PMS1: variants seen among roughly 807,000 people sequenced by gnomAD.
PMS1 encodes PMS1 homolog 1, mismatch repair system component, also known as PMS1 protein homolog 1.
PMS1 carries 79 observed loss-of-function variants against 93.1 expected under a neutral mutation model. The observed-to-expected ratio is 0.85, with a 90% confidence interval of 0.71 to 1.02. The LOEUF is 1.02. Among genes scored for constraint, PMS1 ranks in the 50% least tolerant of loss-of-function variants. The pLI is 0.00. For missense variants in PMS1, 1,064 were observed against 1,085.3 expected, an observed-to-expected ratio of 0.98 and a Z score of 0.28; for synonymous variants, 335 against 363.4, an observed-to-expected ratio of 0.92 and a Z score of 0.89.
chr2:189,815,111 A>G (rs991735298), intron 4 of PMS1, among the ~76,000 whole-genome samples: 5 of 151,958 alleles, frequency 3.3e-5, no homozygotes, highest in Admixed American at 1.3e-4. Context: ...AAAAAAAAAA[A>G]AAAGATATGA....
intron 5 of PMS1, among the ~76,000 whole-genome samples, chr2:189,825,433 C>T (rs2052346746): frequency 6.6e-6 from 1 of 151,888 alleles, no homozygotes; most frequent in South Asian, 2.1e-4. Flanking sequence ...AGTTATTTTG[C>T]AGAATTAACA....
chr2:189,835,935 G>C (rs1424687803), intron 5 of PMS1, among the ~76,000 whole-genome samples: 1 of 147,624 alleles, frequency 6.8e-6, no homozygotes, highest in Non-Finnish European at 1.5e-5. Context: ...AAAATTCATT[G>C]GTGCTGCTTC....
chr2:189,840,355 A>G (rs1193129694), intron 5 of PMS1, among the ~76,000 whole-genome samples: 2 of 152,246 alleles, frequency 1.3e-5, no homozygotes, highest in East Asian at 1.9e-4. Flanking sequence ...AGTTTGAACA[A>G]CTGGCTGCCT....
intron 10 of PMS1, among the ~76,000 whole-genome samples, chr2:189,865,130 C>T (rs1358786072): frequency 1.3e-5 from 2 of 151,980 alleles, no homozygotes; most frequent in Admixed American, 6.6e-5. Context: ...CTTTTTCATA[C>T]CTTAAATAAT....
chr2:189,846,187 A>G (rs149013417), intron 6 of PMS1, among the ~76,000 whole-genome samples: 1,612 of 152,182 alleles, frequency 0.011, 30 homozygotes, highest in African/African-American at 0.037. Flanking sequence ...CAGCCTGGGC[A>G]ACATAGTAAG....
chr2:189,786,967 C>T (rs1167439990), intron 1 of PMS1, among the ~76,000 whole-genome samples: 3 of 152,040 alleles, frequency 2.0e-5, no homozygotes, highest in South Asian at 2.1e-4. Flanking sequence ...GCAGGAGAAT[C>T]GCTTGAACCC....
At chr2:189,824,298 C>A (rs1371169406) in intron 5 of PMS1, among the ~76,000 whole-genome samples, 2 of 151,788 alleles carry the variant, frequency 1.3e-5, no homozygotes, top group Non-Finnish European at 2.9e-5. Flanking sequence ...ATATATTGTA[C>A]CAGATTTGTC....
At chr2:189,861,850 T>C (rs1183934823) in intron 9 of PMS1, among the ~76,000 whole-genome samples, 1 of 152,114 alleles carries the variant, frequency 6.6e-6, no homozygotes, top group East Asian at 1.9e-4. Context: ...TTCCTCTTTA[T>C]TTTCAGGATT....
rs747316625 is a variant in PMS1 at position 189,854,023 on chromosome 2, A to G, written c.907A>G (p.Thr303Ala). ...PVFFLKIDVP[T>A]ADVDVNLTPD... Reference sequence around the variant, plus strand: ...TTTCTTTCTGAAAATCGATGTTCCTACAGCTGATGTTGATGTAAATTTAAC... The same window carrying G: ...TTTCTTTCTGAAAATCGATGTTCCTGCAGCTGATGTTGATGTAAATTTAAC... Residue 303 changes from threonine (T) to alanine (A), a missense_variant, in exon 8 of 13, where the codon ACA becomes GCA. Physicochemically the swap from Thr to Ala is moderately conservative, Grantham distance 58. Transcript: ENST00000441310. 3 of 1,606,746 alleles carry G rather than the reference A, an allele frequency of 1.9e-6. No individual in the cohort carries two copies. The highest frequency in any genetic ancestry group is 2.2e-5 in the South Asian group (2 of 89,460).
At chr2:189,825,185 G>C (rs962127252) in intron 5 of PMS1, among the ~76,000 whole-genome samples, 1 of 152,128 alleles carries the variant, frequency 6.6e-6, no homozygotes, top group Non-Finnish European at 1.5e-5. Context: ...GTTCTTGCCA[G>C]TATGGTTATG....
intron 6 of PMS1, among the ~76,000 whole-genome samples, chr2:189,852,165 G>GTT (rs545662614): frequency 4.1e-5 from 6 of 147,354 alleles, no homozygotes; most frequent in African/African-American, 5.0e-5. Context: ...GAGTAAAAGA[G>GTT]TTTTTTTTTT....
At chr2:189,876,174 T>C (rs16832146) in intron 12 of PMS1, among the ~76,000 whole-genome samples, 6,807 of 152,138 alleles carry the variant, frequency 0.045, 487 homozygotes, top group African/African-American at 0.15. Context: ...AGAGAAGTCA[T>C]GTTGATATAT....
At chr2:189,836,834 G>A (rs2053421739) in intron 5 of PMS1, among the ~76,000 whole-genome samples, 1 of 152,136 alleles carries the variant, frequency 6.6e-6, no homozygotes, top group African/African-American at 2.4e-5. Flanking sequence ...TAGTTCTCAT[G>A]TTTCACAGCT....
At chr2:189,796,483 G>A (rs895088464) in intron 3 of PMS1, among the ~76,000 whole-genome samples, 11 of 151,996 alleles carry the variant, frequency 7.2e-5, no homozygotes, top group African/African-American at 1.2e-4. Context: ...ATTCATCTCC[G>A]CAACCTTTTC....
intron 1 of PMS1, among the ~76,000 whole-genome samples, chr2:189,791,490 G>A (rs1308275521): frequency 1.3e-5 from 2 of 151,860 alleles, no homozygotes; most frequent in African/African-American, 4.8e-5. Flanking sequence ...TGTCCTGGTG[G>A]GCACCTGTAA....
chr2:189,806,496 C>A, intron 4 of PMS1: 1 of 258,422 alleles, frequency 3.9e-6, no homozygotes, highest in Non-Finnish European at 7.8e-6. Flanking sequence ...CTCCCAGGCT[C>A]AAGTGATCCT....
chr2:189,851,725 A>G (rs989705522), intron 6 of PMS1, among the ~76,000 whole-genome samples: 2 of 152,160 alleles, frequency 1.3e-5, no homozygotes, highest in African/African-American at 4.8e-5. Flanking sequence ...AAATTTTACT[A>G]TGAGTGTTCC....
At chr2:189,818,964 G>T (rs147284287) in intron 5 of PMS1, among the ~76,000 whole-genome samples, 5,156 of 152,268 alleles carry the variant, frequency 0.034, 100 homozygotes, top group South Asian at 0.063. Flanking sequence ...ATGTTGTGTA[G>T]TGGCGAAGTC....
chr2:189,817,372 C>T (rs1348865480), intron 4 of PMS1, among the ~76,000 whole-genome samples: 1 of 152,108 alleles, frequency 6.6e-6, no homozygotes, highest in Non-Finnish European at 1.5e-5. Flanking sequence ...AAATATGTAC[C>T]TATGTACCTA....
Sources: gnomAD v4.1 joint callset for allele counts (sites outside exome capture counted in the v4.1 genomes callset) on GRCh38, gnomAD v4.1.1 for gene constraint, MANE v1.5 for transcripts, NCBI Gene and HGNC (gene_info 2026-07-23, HGNC 2026-07-21) for gene names.